Variants in TMEM51 observed in about 807,000 individuals in gnomAD.
The protein encoded by TMEM51 is transmembrane protein 51.
In TMEM51, 8 loss-of-function variants were observed where a neutral mutation model predicts 13.6. That is an observed-to-expected ratio of 0.59 (90% CI 0.35 to 1.07). The LOEUF is 1.07. TMEM51 is among the 50% of genes least tolerant of loss of function. The pLI, the probability that TMEM51 is intolerant of heterozygous loss-of-function variation, is 0.02. For synonymous variants in TMEM51, 147 were observed against 144.4 expected, an observed-to-expected ratio of 1.02 and a Z score of -0.13; for missense variants, 279 against 330.7, an observed-to-expected ratio of 0.84 and a Z score of 1.21.
chr1:15,189,449 CT>C (rs1462422999), intron 1 of TMEM51, among the ~76,000 whole-genome samples: 23 of 152,120 alleles, frequency 1.5e-4, no homozygotes, highest in Admixed American at 1.5e-3. Flanking sequence ...CTTCACCTCT[CT>C]GGCTGCCTCC....
At chr1:15,172,146 G>T (rs901228008) in intron 1 of TMEM51, among the ~76,000 whole-genome samples, 1 of 152,170 alleles carries the variant, frequency 6.6e-6, no homozygotes, top group African/African-American at 2.4e-5. Context: ...GGAGGCTGAG[G>T]CAGGTGGATC....
intron 1 of TMEM51, among the ~76,000 whole-genome samples, chr1:15,158,430 G>A (rs1222225519): frequency 1.3e-5 from 2 of 152,070 alleles, no homozygotes; most frequent in African/African-American, 4.8e-5. Context: ...TGTTTCTTCT[G>A]ACTTTTATGT....
chr1:15,158,481 G>A (rs770948364), intron 1 of TMEM51, among the ~76,000 whole-genome samples: 21 of 152,018 alleles, frequency 1.4e-4, no homozygotes, highest in African/African-American at 2.9e-4. Context: ...TCCAAGTGCC[G>A]CCACCCCACC....
chr1:15,216,062 CT>C (rs1454958971), intron 3 of TMEM51, among the ~76,000 whole-genome samples: 1 of 151,962 alleles, frequency 6.6e-6, no homozygotes, highest in East Asian at 1.9e-4. Flanking sequence ...AAAAAACTGT[CT>C]TTTGCAGCAA....
chr1:15,160,118 C>T (rs1202574353), intron 1 of TMEM51, among the ~76,000 whole-genome samples: 2 of 152,108 alleles, frequency 1.3e-5, no homozygotes, highest in African/African-American at 4.8e-5. Context: ...TGTTTTTCTC[C>T]TCACATGTGG....
chr1:15,186,155 C>T (rs1643766662), intron 1 of TMEM51, among the ~76,000 whole-genome samples: 1 of 152,142 alleles, frequency 6.6e-6, no homozygotes, highest in Admixed American at 6.5e-5. Flanking sequence ...AGCCTCCCTA[C>T]TTGTTTTCCC....
intron 3 of TMEM51, 63 bp downstream of exon 3, chr1:15,215,494 A>C: frequency 1.4e-6 from 2 of 1,398,034 alleles, no homozygotes; most frequent in Non-Finnish European, 1.9e-6. Flanking sequence ...ATGCACACAC[A>C]TGTTCACACC....
At chr1:15,213,003 G>C (rs1028141242) in intron 2 of TMEM51, among the ~76,000 whole-genome samples, 2 of 152,208 alleles carry the variant, frequency 1.3e-5, no homozygotes, top group Non-Finnish European at 2.9e-5. Context: ...GGCCCAATTA[G>C]GCCAGTGGGA....
At chr1:15,193,571 C>CTTTTTTTTTTTTTTTTT (rs1392623062) in intron 1 of TMEM51, among the ~76,000 whole-genome samples, 6 of 80,632 alleles carry the variant, frequency 7.4e-5, no homozygotes, top group African/African-American at 2.8e-4. Flanking sequence ...TCTTTTCTTT[C>CTTTTTTTTTTTTTTTTT]TTTCTTTTTT....
rs1030314061 is a variant in TMEM51, at chr1:15,194,718, C to T, written c.-266-15772C>T. ...CACCCATCCTAACATGTTTAACATG[C>T]CTCTTGTTGGCTGTGGTCTTGTACA... On this transcript the variant is annotated intron_variant, in intron 1 of 3. Transcript: ENST00000376008. Among the ~76,000 whole-genome samples, 8 of 152,118 alleles carry T rather than the reference C, an allele frequency of 5.3e-5. No homozygotes were observed. The South Asian group carries it at 8.3e-4, about 16-fold the overall frequency.
chr1:15,201,294 T>C (rs978674523), intron 1 of TMEM51, among the ~76,000 whole-genome samples: 1 of 152,016 alleles, frequency 6.6e-6, no homozygotes, highest in African/African-American at 2.4e-5. Flanking sequence ...TAAATAATAT[T>C]CGTAATAGGT....
chr1:15,152,765 GGGC>G (rs879486963), upstream of TMEM51: 54,226 of 151,826 alleles, frequency 0.36, 11,241 homozygotes, highest in East Asian at 0.6. Context: ...GATCTCCAAG[GGGC>G]GGAGGCAGAG....
chr1:15,175,146 T>C (rs1325992648), intron 1 of TMEM51, among the ~76,000 whole-genome samples: 1 of 152,158 alleles, frequency 6.6e-6, no homozygotes, highest in Non-Finnish European at 1.5e-5. Context: ...ACACCTATAA[T>C]CCTAGCACTT....
intron 1 of TMEM51, among the ~76,000 whole-genome samples, chr1:15,164,123 C>T (rs1257138667): frequency 6.6e-6 from 1 of 152,072 alleles, no homozygotes; most frequent in African/African-American, 2.4e-5. Flanking sequence ...AGCCACCATG[C>T]CCGGCCTAAT....
At position 15,208,760 on chromosome 1, in the gene TMEM51, A is replaced by T. The variant is rs539999235; in HGVS notation, c.-266-1730A>T. On this transcript the variant is annotated intron_variant, in intron 1 of 3. Coordinates refer to ENST00000376008, the MANE Select transcript of TMEM51 (RefSeq NM_001136218.2). ...TTGGTGCCAATGAGGAGCAGAAAGG[A>T]AACCACTGAGGGCTGGTGAGCAGGA... 1.1e-4 allele frequency among the ~76,000 whole-genome samples: 17 copies of T among 152,220 alleles called. No homozygotes were observed. In the South Asian group the frequency reaches 3.5e-3, roughly 32 times the overall value.
chr1:15,199,642 C>T (rs1644116625), intron 1 of TMEM51, among the ~76,000 whole-genome samples: 1 of 152,162 alleles, frequency 6.6e-6, no homozygotes, highest in South Asian at 2.1e-4. Context: ...CTGCCATAGT[C>T]TCCCATCTCC....
chr1:15,195,828 C>T (rs1234468754), intron 1 of TMEM51, among the ~76,000 whole-genome samples: 1 of 152,174 alleles, frequency 6.6e-6, no homozygotes, highest in Non-Finnish European at 1.5e-5. Context: ...AACCGACTGC[C>T]CTCGGCCTTG....
At chr1:15,154,739 C>T (rs906268666) in intron 1 of TMEM51, among the ~76,000 whole-genome samples, 8 of 152,282 alleles carry the variant, frequency 5.3e-5, no homozygotes, top group Non-Finnish European at 1.0e-4. Context: ...GGCGAGAGAC[C>T]TGGCCCCTCC....
At chr1:15,174,433 G>T (rs1244411123) in intron 1 of TMEM51, among the ~76,000 whole-genome samples, 3 of 152,066 alleles carry the variant, frequency 2.0e-5, no homozygotes, top group African/African-American at 7.2e-5. Context: ...GTAGAAACCG[G>T]GTCTTGCTGT....
Sources: allele counts gnomAD v4.1 joint callset (sites outside exome capture counted in the v4.1 genomes callset), GRCh38; gene constraint gnomAD v4.1.1; transcripts MANE v1.5; gene names NCBI Gene and HGNC (gene_info 2026-07-23, HGNC 2026-07-21).